SLX4: variants seen among roughly 807,000 people sequenced by gnomAD.
The protein encoded by SLX4 is SLX4 structure-specific endonuclease subunit.
Under a neutral mutation model 146.2 loss-of-function variants are expected in SLX4, and 112 were observed. The ratio of observed to expected loss-of-function variants is 0.77; its 90% CI spans 0.66 to 0.90. The LOEUF (loss-of-function observed/expected upper bound fraction) is 0.90. Among genes scored for constraint, SLX4 ranks in the 40% least tolerant of loss-of-function variants. SLX4 has a pLI of 0.00. For missense variants in SLX4, 2,563 were observed against 2,392.7 expected (o/e 1.07, Z -1.49); for synonymous variants, 1,061 against 997.7 (o/e 1.06, Z -1.20).
At chr16:3,583,544 C>A in intron 13 of SLX4, 34 bp from the exon 14 acceptor site, 2 of 1,612,524 alleles carry the variant, frequency 1.2e-6, no homozygotes, top group Non-Finnish European at 1.7e-6. Context: ...CAGGACCCAC[C>A]CACACAGCTG....
chr16:3,605,336 A>G (rs1003949972), intron 3 of SLX4, among the ~76,000 whole-genome samples: 1 of 151,834 alleles, frequency 6.6e-6, no homozygotes, highest in Non-Finnish European at 1.5e-5. Context: ...TGATCTGCGC[A>G]CCTCGGCCTC....
intron 3 of SLX4, 67 bp from the exon 4 acceptor site, chr16:3,602,374 T>C: frequency 6.3e-7 from 1 of 1,575,694 alleles, no homozygotes; most frequent in South Asian, 1.1e-5. Context: ...AGACCTCTGC[T>C]CTGTCAGCTC....
rs1269096181 is a variant in SLX4, at chr16:3,596,305, G to C, written c.1772C>G (p.Pro591Arg). 6.3e-7 allele frequency: 1 copy of C among 1,576,438 alleles called. No individual in the cohort carries two copies. Among genetic ancestry groups the C allele is most frequent in the Non-Finnish European group, 8.6e-7 (1 of 1,161,590 alleles). ...ERRSPALHGT[P>R]TAGCGSRGPS... is the part of the protein sequence containing the mutation. ...GCCCCTGGAGCCACAGCCTGCAGTG[G>C]GGGTGCCGTGGAGAGCGGGTGACCT... The change falls in exon 8 of 15, where the codon CCC (proline) becomes CGC (arginine). Residue 591 changes from proline (P) to arginine (R), a missense_variant. Physicochemically the swap from Pro to Arg is moderately radical, Grantham distance 103. Transcript: ENST00000294008.
intron 11 of SLX4, among the ~76,000 whole-genome samples, chr16:3,591,572 T>C (rs1483361213): frequency 1.3e-5 from 2 of 152,188 alleles, no homozygotes; most frequent in African/African-American, 4.8e-5. Context: ...GGACTGAATG[T>C]AAGGTAACAG....
At chr16:3,604,216 CAAAA>C (rs1215741550) in intron 3 of SLX4, among the ~76,000 whole-genome samples, 4 of 63,784 alleles carry the variant, frequency 6.3e-5, no homozygotes, top group Admixed American at 3.6e-4. Flanking sequence ...AAGCCTCTGT[CAAAA>C]AAAAAAAAAA....
intron 5 of SLX4, 114 bp from the exon 6 acceptor site, chr16:3,598,113 C>T: frequency 8.0e-7 from 1 of 1,247,148 alleles, no homozygotes; most frequent in Non-Finnish European, 1.2e-6. Flanking sequence ...GGATGTGGAC[C>T]TGCCAGGCAG....
chr16:3,583,009 G>A (rs2040458391), intron 14 of SLX4, 88 bp downstream of exon 14: 1 of 1,510,886 alleles, frequency 6.6e-7, no homozygotes, highest in Admixed American at 1.7e-5. Flanking sequence ...TTTGAAGATT[G>A]GCCATTAGGT....
intron 1 of SLX4, among the ~76,000 whole-genome samples, chr16:3,610,555 G>A (rs1457981049): frequency 2.0e-5 from 3 of 152,184 alleles, no homozygotes; most frequent in Admixed American, 6.5e-5. Context: ...GGAAACACGC[G>A]CAAGCAGAAT....
chr16:3,610,548 AAC>A (rs1157572777), intron 1 of SLX4, among the ~76,000 whole-genome samples: 4 of 152,340 alleles, frequency 2.6e-5, no homozygotes, highest in East Asian at 3.9e-4. Flanking sequence ...ACGGCAAGGA[AAC>A]ACGCGCAAGC....
chr16:3,582,320 G>A lies in SLX4; in HGVS notation c.*22C>T, dbSNP rs375806847. 2.5e-6 allele frequency: 4 copies of A among 1,597,568 alleles called. No homozygotes were observed. In the African/African-American group the frequency reaches 5.4e-5, roughly 21 times the overall value. ...GGTGGGGGCTGCTGATGGCAGGTTG[G>A]GGTGGGGTCGGGATGGCCCCATCAG... On this transcript the variant is annotated 3_prime_UTR_variant, in exon 15 of 15. Coordinates refer to ENST00000294008, the MANE Select transcript of SLX4 (RefSeq NM_032444.4).
chr16:3,603,478 A>T (rs55645258), intron 3 of SLX4, among the ~76,000 whole-genome samples: 13 of 152,284 alleles, frequency 8.5e-5, no homozygotes, highest in African/African-American at 2.9e-4. Flanking sequence ...CTCCTCTGCA[A>T]CTCACATGTG....
chr16:3,601,408 T>G (rs1205398882), intron 4 of SLX4: 2 of 591,802 alleles, frequency 3.4e-6, no homozygotes, highest in East Asian at 2.9e-5. Context: ...AAGGAAAGAT[T>G]AAATGCAGTT....
chr16:3,600,437 T>C (rs2040712991), intron 5 of SLX4, among the ~76,000 whole-genome samples: 1 of 152,038 alleles, frequency 6.6e-6, no homozygotes, highest in South Asian at 2.1e-4. Context: ...GCGAAGATCA[T>C]TTCTGCACCC....
At chr16:3,595,299 C>T (rs2040638274) in intron 9 of SLX4, among the ~76,000 whole-genome samples, 1 of 152,200 alleles carries the variant, frequency 6.6e-6, no homozygotes, top group Non-Finnish European at 1.5e-5. Context: ...AAACTGTGGT[C>T]CCTCTACACT....
rs564937990 is a variant in SLX4, at chr16:3,582,947, C to T, written c.5153+150G>A. 11 of 1,064,218 alleles carry T rather than the reference C, an allele frequency of 1.0e-5. 1 individual carries two copies. The African/African-American group carries it at 1.7e-4, about 17-fold the overall frequency. 65.9% of individuals were successfully genotyped at this position (1,064,218 alleles called of 1,614,324 possible). A position where few individuals can be genotyped will look rare whatever the true frequency, so the allele number is the denominator to read the frequency against. On this transcript the variant is annotated intron_variant, in intron 14 of 14. Transcript: ENST00000294008. ...AGGGCTGGGGTCAGGGAACCAGCCC[C>T]CTAAACCCACCTGGTTTTCCCACAG...
At chr16:3,605,611 A>C (rs2040773254) in intron 3 of SLX4, among the ~76,000 whole-genome samples, 1 of 152,212 alleles carries the variant, frequency 6.6e-6, no homozygotes, top group Admixed American at 6.5e-5. Flanking sequence ...TTTAAAAGGA[A>C]AAAACTGAAA....
intron 14 of SLX4, 118 bp from the exon 15 acceptor site, chr16:3,582,811 G>T: frequency 9.9e-7 from 1 of 1,005,610 alleles, no homozygotes; most frequent in Non-Finnish European, 1.5e-6. Flanking sequence ...CCTGTGGCAC[G>T]ATCCCCAGCA....
At chr16:3,594,805 A>G (rs1233422339) in intron 9 of SLX4, among the ~76,000 whole-genome samples, 3 of 152,214 alleles carry the variant, frequency 2.0e-5, no homozygotes, top group African/African-American at 7.2e-5. Flanking sequence ...GCAAAGCACT[A>G]GCTTGTTCCT....
intron 12 of SLX4, among the ~76,000 whole-genome samples, chr16:3,586,637 C>T (rs1314583948): frequency 6.6e-6 from 1 of 151,810 alleles, no homozygotes; most frequent in Non-Finnish European, 1.5e-5. Flanking sequence ...ATGGTGAAAC[C>T]CCATCTGTAC....
Sources: allele counts gnomAD v4.1 joint callset (sites outside exome capture counted in the v4.1 genomes callset), GRCh38; gene constraint gnomAD v4.1.1; transcripts MANE v1.5; gene names NCBI Gene and HGNC (gene_info 2026-07-23, HGNC 2026-07-21).